Variants in ANKS6 observed in about 807,000 individuals in gnomAD.
ANKS6 encodes ankyrin repeat and sterile alpha motif domain containing 6, also known as ankyrin repeat and SAM domain-containing protein 6.
A neutral mutation model predicts 77.9 loss-of-function variants in ANKS6; 47 were observed. That is an observed-to-expected ratio of 0.60 (90% CI 0.48 to 0.77). ANKS6 has a LOEUF of 0.77. Ranked by LOEUF, ANKS6 falls within the 30% of genes least tolerant of loss-of-function variation. The probability of loss-of-function intolerance (pLI) is 0.00; values close to 1 mark genes in which losing one functional copy is unlikely to be tolerated. For missense variants in ANKS6, 1,150 were observed against 1,159.1 expected, an observed-to-expected ratio of 0.99 and a Z score of 0.11; for synonymous variants, 488 against 501.7, an observed-to-expected ratio of 0.97 and a Z score of 0.37.
At position 98,768,222 on chromosome 9, in the gene ANKS6, T is replaced by C. The variant is rs766401233; in HGVS notation, c.2001A>G (p.Gln667=). ...SGGSIDNVLS[Q]IAAQRKKAAG... ...CTGCTTTTTTCCTCTGGGCAGCGATTTGGGACAAGACATTGTCTATGCTGC... is the reference window on the plus strand; with the variant it reads ...CTGCTTTTTTCCTCTGGGCAGCGATCTGGGACAAGACATTGTCTATGCTGC... Residue 667 remains glutamine (Q), a synonymous_variant, in exon 11 of 15, where the codon CAA becomes CAG. Transcript: ENST00000353234. The C allele has an allele frequency of 1.9e-6, 3 of 1,614,140 alleles. No individual in the cohort carries two copies. Among genetic ancestry groups the C allele is most frequent in the East Asian group, 2.2e-5 (1 of 44,876 alleles).
At chr9:98,777,751 T>C (rs2118080579) in intron 7 of ANKS6, among the ~76,000 whole-genome samples, 1 of 152,286 alleles carries the variant, frequency 6.6e-6, no homozygotes, top group South Asian at 2.1e-4. Context: ...GGAATCTGAC[T>C]GTTAGAAGGG....
intron 10 of ANKS6, among the ~76,000 whole-genome samples, chr9:98,768,458 G>T (rs878905868): frequency 6.6e-6 from 1 of 152,184 alleles, no homozygotes; most frequent in African/African-American, 2.4e-5. Flanking sequence ...CTGCGAAGGC[G>T]TAATGGTAAG....
chr9:98,796,492 C>A lies in ANKS6; in HGVS notation c.-1G>T, dbSNP rs540601094. On this transcript the variant is annotated 5_prime_UTR_variant, in exon 1 of 15. Transcript: ENST00000353234. ...CCGGGGGCAGCCCGCCCTCGCCCAT[C>A]GCCGCCGCCACGCGCGGCCCGCTCC... 2.7e-5 allele frequency: 27 copies of A among 989,058 alleles called. No homozygotes were observed. Among genetic ancestry groups the A allele is most frequent in the Non-Finnish European group, 2.8e-5 (23 of 833,996 alleles). 61.3% of individuals were successfully genotyped at this position (989,058 alleles called of 1,614,324 possible). A position where few individuals can be genotyped will look rare whatever the true frequency, so the allele number is the denominator to read the frequency against.
At chr9:98,754,584 G>T (rs999670240) in intron 12 of ANKS6, among the ~76,000 whole-genome samples, 2 of 151,926 alleles carry the variant, frequency 1.3e-5, no homozygotes, top group African/African-American at 4.8e-5. Flanking sequence ...GGAGCTTGCA[G>T]TGAGCCGAGA....
intron 14 of ANKS6, among the ~76,000 whole-genome samples, chr9:98,736,889 G>A (rs1831531208): frequency 6.6e-6 from 1 of 152,182 alleles, no homozygotes; most frequent in African/African-American, 2.4e-5. Flanking sequence ...GTGGGAGGCC[G>A]AGTCCGGGGC....
At chr9:98,778,161 G>T in intron 7 of ANKS6, 65 bp downstream of exon 7, 2 of 1,553,526 alleles carry the variant, frequency 1.3e-6, no homozygotes, top group South Asian at 1.2e-5. Flanking sequence ...GAGGTAGGAT[G>T]AAGGGCAGAG....
rs753848505 is a variant in ANKS6, at chr9:98,736,520, C to T, written c.2615G>A (p.Ter872=). The change falls in exon 15 of 15, where the codon TGA becomes TAA. Residue 872 remains the stop codon, a stop_retained_variant. Transcript: ENST00000353234. ...CGCTGGTGGCTGCGGGAAGGAGGAT[C>T]ACGCACAGGGGCTGTTGCCAGGGGC... ...TRAPGNSPCA[*] is the part of the protein sequence containing the mutation. 1.9e-6 allele frequency: 3 copies of T among 1,607,188 alleles called. No individual in the cohort carries two copies. The Admixed American group carries it at 5.0e-5, about 27-fold the overall frequency.
At position 98,796,515 on chromosome 9, in the gene ANKS6, TCC is replaced by T. The variant is rs1394160155; in HGVS notation, c.-26_-25del. On this transcript the variant is annotated 5_prime_UTR_variant, in exon 1 of 15. Transcript: ENST00000353234. ...ATCGCCGCCGCCACGCGCGGCCCGCTCCCGTCCGCCCCGCCGGCCGCGTCGGC... is the reference window on the plus strand; with the variant it reads ...ATCGCCGCCGCCACGCGCGGCCCGCTCGTCCGCCCCGCCGGCCGCGTCGGC... The T allele has an allele frequency of 1.0e-6, 1 of 982,200 alleles. No homozygotes were observed. Among genetic ancestry groups the T allele is most frequent in the African/African-American group, 1.8e-5 (1 of 56,260 alleles). The allele number at this position is 982,200 out of a possible 1,614,324, so 60.8% of individuals were successfully genotyped here.
intron 13 of ANKS6, 67 bp from the exon 14 acceptor site, chr9:98,745,742 A>G: frequency 8.2e-7 from 1 of 1,221,118 alleles, no homozygotes; most frequent in Non-Finnish European, 1.2e-6. Context: ...TCACAACAGC[A>G]ATCTCATGAT....
Position 98,743,330 on chromosome 9 carries a change from A to T in ANKS6, c.2511+2229T>A, listed in dbSNP as rs1831944616. The stretch of plus-strand genomic sequence containing the variant: ...CAAAGCCCTTTCCCTTACTTGACTG[A>T]GTCACCCTTTACCACCCTGGGGGCC... On this transcript the variant is annotated intron_variant, in intron 14 of 14. Transcript: ENST00000353234. Among the ~76,000 whole-genome samples the T allele has an allele frequency of 4.4e-5, 6 of 137,222 alleles. No homozygotes were observed. The South Asian group carries it at 1.4e-3, about 32-fold the overall frequency. 90.0% of individuals were successfully genotyped at this position (137,222 alleles called of 152,430 possible). A position where few individuals can be genotyped will look rare whatever the true frequency, so the allele number is the denominator to read the frequency against.
At chr9:98,757,559 G>T (rs1445020005) in intron 11 of ANKS6, among the ~76,000 whole-genome samples, 1 of 152,188 alleles carries the variant, frequency 6.6e-6, no homozygotes, top group African/African-American at 2.4e-5. Context: ...CTGATTACTG[G>T]TGATGGTAAC....
At chr9:98,747,780 C>A (rs1250369651) in intron 13 of ANKS6, among the ~76,000 whole-genome samples, 1 of 152,196 alleles carries the variant, frequency 6.6e-6, no homozygotes, top group Non-Finnish European at 1.5e-5. Context: ...GCCCTTCCAA[C>A]CCCTGTCCAC....
Position 98,780,917 on chromosome 9 carries a change from T to C in ANKS6, c.1220-580A>G, listed in dbSNP as rs186415180. On this transcript the variant is annotated intron_variant, in intron 5 of 14. Transcript: ENST00000353234. ...GATGACTATTTCTTTTTTTTTTTTT[T>C]TGGAGACAGAGTCTTGCTCTGTCAC... Among the ~76,000 whole-genome samples the C allele has an allele frequency of 2.8e-3, 431 of 151,918 alleles. 2 individuals carry two copies. Among genetic ancestry groups the C allele is most frequent in the African/African-American group, 9.8e-3 (406 of 41,504 alleles).
In ANKS6 at chr9:98,733,963, G is replaced by A. The variant is rs1309634764; in HGVS notation, c.*2556C>T. ...GGGGAACAGCCACAGGCAGGCTGGG[G>A]ACACGTGTGGGAAGGGAAGGGGGTG... On this transcript the variant is annotated 3_prime_UTR_variant, in exon 15 of 15. Transcript: ENST00000353234. 1.0e-6 allele frequency: 1 copy of A among 985,294 alleles called. No individual in the cohort carries two copies. Among genetic ancestry groups the A allele is most frequent in the Non-Finnish European group, 1.2e-6 (1 of 829,956 alleles). The allele number at this position is 985,294 out of a possible 1,614,324, so 61.0% of individuals were successfully genotyped here.
At position 98,796,461 on chromosome 9, in the gene ANKS6, G is replaced by T; in HGVS notation, c.31C>A (p.Gln11Lys). The T allele has an allele frequency of 1.0e-6, 1 of 993,478 alleles. No homozygotes were observed. The highest frequency in any genetic ancestry group is 1.2e-6 in the Non-Finnish European group (1 of 837,268). The allele number at this position is 993,478 out of a possible 1,614,324, so 61.5% of individuals were successfully genotyped here. A position where few individuals can be genotyped will look rare whatever the true frequency, so the allele number is the denominator to read the frequency against. Residue 11 changes from glutamine (Q) to lysine (K), a missense_variant, in exon 1 of 15, where the codon CAG becomes AAG. Coordinates refer to ENST00000353234, the MANE Select transcript of ANKS6 (RefSeq NM_173551.5). ...TGGTCACACGCGCGCAGCAGCAGCT[G>T]GAAGGCCGGGGGCAGCCCGCCCTCG... MGEGGLPPAF[Q>K]LLLRACDQGD... is the part of the protein sequence containing the mutation.
chr9:98,784,751 T>C, intron 3 of ANKS6, 81 bp downstream of exon 3: 2 of 1,368,130 alleles, frequency 1.5e-6, no homozygotes, highest in Admixed American at 1.9e-5. Context: ...TGGGTGGCCC[T>C]GCAAAGGACT....
At chr9:98,760,870 T>C (rs576761677) in intron 11 of ANKS6, among the ~76,000 whole-genome samples, 1 of 152,318 alleles carries the variant, frequency 6.6e-6, no homozygotes, top group Non-Finnish European at 1.5e-5. Flanking sequence ...GGTTCACAGA[T>C]TTTTGTGTGA....
At chr9:98,789,428 TAAA>T (rs11437180) in intron 2 of ANKS6, among the ~76,000 whole-genome samples, 3 of 129,960 alleles carry the variant, frequency 2.3e-5, no homozygotes, top group African/African-American at 8.6e-5. Context: ...GGCAAGAAGT[TAAA>T]AAAAAAAAAA....
chr9:98,739,817 C>T (rs963473357), intron 14 of ANKS6, among the ~76,000 whole-genome samples: 16 of 113,780 alleles, frequency 1.4e-4, no homozygotes, highest in Admixed American at 3.6e-4. Flanking sequence ...TGCAGTGGCG[C>T]AATCTCGGCT....
Sources: gnomAD v4.1 joint callset for allele counts (sites outside exome capture counted in the v4.1 genomes callset) on GRCh38, gnomAD v4.1.1 for gene constraint, MANE v1.5 for transcripts, NCBI Gene and HGNC (gene_info 2026-07-23, HGNC 2026-07-21) for gene names.